KCTD15: variants seen among roughly 807,000 people sequenced by gnomAD.
KCTD15 encodes BTB/POZ domain-containing protein KCTD15.
KCTD15 carries 11 observed loss-of-function variants against 27.2 expected under a neutral mutation model. The observed-to-expected ratio is 0.41, with a 90% confidence interval of 0.25 to 0.67. KCTD15 has a LOEUF of 0.67. KCTD15 is among the 30% of genes least tolerant of loss of function. The pLI is 0.35. For missense variants in KCTD15, 350 were observed against 409.3 expected (o/e 0.86, Z 1.25); for synonymous variants, 163 against 176.0 (o/e 0.93, Z 0.58).
intron 6 of KCTD15, 21 bp from the exon 7 acceptor site, chr19:33,812,769 C>T (rs1263991697): frequency 2.1e-6 from 3 of 1,429,086 alleles, no homozygotes; most frequent in Non-Finnish European, 2.8e-6. Flanking sequence ...GCCTTGATGA[C>T]CTCTGTTTCT....
At chr19:33,795,599 C>T (rs1405187439), upstream of KCTD15, among the ~76,000 whole-genome samples, 1 of 151,986 alleles carries the variant, frequency 6.6e-6, no homozygotes, top group Non-Finnish European at 1.5e-5. Flanking sequence ...CAGTGCCGGC[C>T]AGTCGCGCGC....
rs1328376243 is a variant in KCTD15, at chr19:33,804,961, C to G, written c.243-1902C>G. Among the ~76,000 whole-genome samples the G allele has an allele frequency of 2.6e-5, 4 of 152,326 alleles. No homozygotes were observed. In the East Asian group the frequency reaches 7.7e-4, roughly 29 times the overall value. The stretch of plus-strand genomic sequence containing the variant: ...CTTTCTTTTAAGCGACAGCGTTTGT[C>G]TTTCTTGGCCAGGCTGGAGTACGTG... On this transcript the variant is annotated intron_variant, in intron 4 of 6. Transcript: ENST00000683859.
At position 33,811,536 on chromosome 19, in the gene KCTD15, G is replaced by A. The variant is rs773515459; in HGVS notation, c.677G>A (p.Arg226Gln). The change falls in exon 6 of 7, where the codon CGG becomes CAG. Residue 226 changes from arginine to glutamine, a missense_variant. Physicochemically the swap from Arg to Gln is conservative, Grantham distance 43. Around this residue, in one of 3 missense-constraint regions of KCTD15, gnomAD observed 219 missense variants for 234.9 expected, o/e 0.93. Coordinates refer to ENST00000683859, the MANE Select transcript of KCTD15 (RefSeq NM_001129994.2). ...VIRFPLNGYCRLNSVQVLERL... is the reference protein window; with the variant it reads ...VIRFPLNGYCQLNSVQVLERL... ...CGCTTCCCGCTCAATGGCTACTGCC[G>A]GCTCAACTCGGTACAGGTGAGGGCT... The A allele has an allele frequency of 6.2e-7, 1 of 1,605,928 alleles. No individual in the cohort carries two copies. Among genetic ancestry groups the A allele is most frequent in the Non-Finnish European group, 8.5e-7 (1 of 1,175,138 alleles).
Position 33,815,071 on chromosome 19 carries a change from C to T in KCTD15, c.*2123C>T, listed in dbSNP as rs961289810. On this transcript the variant is annotated 3_prime_UTR_variant, in exon 7 of 7. Coordinates refer to ENST00000683859, the MANE Select transcript of KCTD15 (RefSeq NM_001129994.2). ...AGCAGGAAGTCTTGTGAAAACAGCT[C>T]GCTGCTGTGTATGTTTATGGATTTT... is the stretch of plus-strand genomic sequence containing the variant. 5.3e-5 allele frequency: 8 copies of T among 152,174 alleles called. No individual in the cohort carries two copies. The highest frequency in any genetic ancestry group is 7.3e-5 in the Non-Finnish European group (5 of 68,028). The allele number at this position is 152,174 out of a possible 1,614,324, so 9.4% of individuals were successfully genotyped here.
chr19:33,809,337 A>G (rs1448127673), intron 5 of KCTD15, among the ~76,000 whole-genome samples: 1 of 152,008 alleles, frequency 6.6e-6, no homozygotes, highest in Non-Finnish European at 1.5e-5. Flanking sequence ...TTTCATAAGT[A>G]AATAAATAAA....
In KCTD15 at chr19:33,811,349, C is replaced by T. The variant is rs1975903990; in HGVS notation, c.490C>T (p.Arg164Trp). The T allele has an allele frequency of 3.2e-6, 5 of 1,566,846 alleles. No individual in the cohort carries two copies. The highest frequency in any genetic ancestry group is 4.3e-6 in the Non-Finnish European group (5 of 1,156,176). The change falls in exon 6 of 7, where the codon CGG (arginine) becomes TGG (tryptophan). Residue 164 changes from arginine to tryptophan, a missense_variant. Coordinates refer to ENST00000683859, the MANE Select transcript of KCTD15 (RefSeq NM_001129994.2). ...GGAGCAGGAGCAGCGGCGCCGCAGC[C>T]GGGCCTGTGACTGCCTGGTGGTGCG... ...QQEQEQRRRSRACDCLVVRVT... is the reference protein window; with the variant it reads ...QQEQEQRRRSWACDCLVVRVT...
chr19:33,795,764 G>A (rs1045391934), upstream of KCTD15, among the ~76,000 whole-genome samples: 1 of 151,984 alleles, frequency 6.6e-6, no homozygotes, highest in African/African-American at 2.4e-5. Flanking sequence ...AGGGGCGTCC[G>A]GGGCGCGGAC....
chr19:33,812,755 C>T (rs777902784), intron 6 of KCTD15, 35 bp from the exon 7 acceptor site: 5 of 1,408,210 alleles, frequency 3.6e-6, no homozygotes, highest in South Asian at 3.3e-5. Context: ...CCTCTTGCAG[C>T]TTGGCCTTGA....
chr19:33,813,628 C>T lies in KCTD15; in HGVS notation c.*680C>T, dbSNP rs902730306. On this transcript the variant is annotated 3_prime_UTR_variant, in exon 7 of 7. Coordinates refer to ENST00000683859, the MANE Select transcript of KCTD15 (RefSeq NM_001129994.2). ...TAACCACCTGAGACCTTCACGTTTG[C>T]TGCCGTTGGGGGCTCAGGCTGCACT... The T allele has an allele frequency of 6.1e-6, 2 of 329,218 alleles. No homozygotes were observed. Among genetic ancestry groups the T allele is most frequent in the African/African-American group, 4.4e-5 (2 of 45,172 alleles). 20.4% of individuals were successfully genotyped at this position (329,218 alleles called of 1,614,324 possible).
intron 5 of KCTD15, among the ~76,000 whole-genome samples, chr19:33,810,458 T>A (rs1975859881): frequency 6.6e-6 from 1 of 151,982 alleles, no homozygotes; most frequent in Non-Finnish European, 1.5e-5. Context: ...GGCAGGTGGA[T>A]CACATGAGGG....
At chr19:33,811,831 G>A (rs530295360) in intron 6 of KCTD15, 25 of 1,605,734 alleles carry the variant, frequency 1.6e-5, no homozygotes, top group East Asian at 4.5e-5. Context: ...TCAACAAAGC[G>A]TGCTTCATTT....
At position 33,810,822 on chromosome 19, in the gene KCTD15, C is replaced by T. The variant is rs182084594; in HGVS notation, c.388-425C>T. Reference sequence around the variant, plus strand: ...GCTGGAGAAGAACTTTTTTTGCTTCCGGGTAGGCTGTGAGCTCCTAGGCCC... The same window carrying T: ...GCTGGAGAAGAACTTTTTTTGCTTCTGGGTAGGCTGTGAGCTCCTAGGCCC... On this transcript the variant is annotated intron_variant, in intron 5 of 6. Coordinates refer to ENST00000683859, the MANE Select transcript of KCTD15 (RefSeq NM_001129994.2). Among the ~76,000 whole-genome samples, 8 of 151,600 alleles carry T rather than the reference C, an allele frequency of 5.3e-5. No homozygotes were observed. The East Asian group carries it at 7.8e-4, about 15-fold the overall frequency.
Position 33,813,421 on chromosome 19 carries a change from A to G in KCTD15, c.*473A>G, listed in dbSNP as rs1487738867. On this transcript the variant is annotated 3_prime_UTR_variant, in exon 7 of 7. Coordinates refer to ENST00000683859, the MANE Select transcript of KCTD15 (RefSeq NM_001129994.2). ...AAGTCAGAGAGGCTGACAAGGACCA[A>G]TGCTTCTTTATCTGGTGCTCAGTTC... is the stretch of plus-strand genomic sequence containing the variant. 3.3e-5 allele frequency: 15 copies of G among 457,776 alleles called. No homozygotes were observed. Among genetic ancestry groups the G allele is most frequent in the South Asian group, 7.7e-5 (5 of 64,530 alleles). The allele number at this position is 457,776 out of a possible 1,614,324, so 28.4% of individuals were successfully genotyped here.
intron 5 of KCTD15, 117 bp downstream of exon 5, chr19:33,807,124 T>A (rs1392178960): frequency 8.8e-6 from 11 of 1,252,648 alleles, no homozygotes; most frequent in Non-Finnish European, 1.2e-5. Flanking sequence ...AGTTAAACGA[T>A]GAAGCCGAGG....
At position 33,811,868 on chromosome 19, in the gene KCTD15, G is replaced by C. The variant is rs1174372229; in HGVS notation, c.693+316G>C. 1.0e-5 allele frequency: 16 copies of C among 1,598,270 alleles called. 1 individual carries two copies. The highest frequency in any genetic ancestry group is 1.1e-5 in the South Asian group (1 of 87,868). ...ACACCCAGAGTCTGACTTTGGATTC[G>C]AACTAAACCCAGGCAACAGGCGAGG... On this transcript the variant is annotated intron_variant, in intron 6 of 6. Transcript: ENST00000683859.
chr19:33,798,066 G>A (rs1975406323), intron 1 of KCTD15, among the ~76,000 whole-genome samples: 1 of 152,008 alleles, frequency 6.6e-6, no homozygotes, highest in African/African-American at 2.4e-5. Flanking sequence ...ACACCGGCCG[G>A]CTGGCTCCGC....
intron 6 of KCTD15, chr19:33,812,177 C>T (rs1302881715): frequency 1.1e-5 from 13 of 1,150,742 alleles, no homozygotes; most frequent in Non-Finnish European, 1.3e-5. Context: ...TTGCTAGTTG[C>T]AGGAGACGGG....
chr19:33,812,170 C>A, intron 6 of KCTD15: 1 of 1,164,606 alleles, frequency 8.6e-7, no homozygotes, highest in Non-Finnish European at 1.1e-6. Flanking sequence ...TCAGAACTTG[C>A]TAGTTGCAGG....
intron 4 of KCTD15, among the ~76,000 whole-genome samples, chr19:33,805,398 C>T (rs2145462564): frequency 6.6e-6 from 1 of 152,318 alleles, no homozygotes; most frequent in South Asian, 2.1e-4. Context: ...TCCCTCAGCT[C>T]CTGCCCAGCT....
Sources: allele counts gnomAD v4.1 joint callset (sites outside exome capture counted in the v4.1 genomes callset), GRCh38; gene constraint gnomAD v4.1.1; regional missense constraint gnomAD v4.1.1; transcripts MANE v1.5; gene names NCBI Gene and HGNC (gene_info 2026-07-23, HGNC 2026-07-21).